RASAL2: variants seen among roughly 807,000 people sequenced by gnomAD.
RASAL2 encodes the protein ras GTPase-activating protein nGAP.
In RASAL2, 58 loss-of-function variants were observed where a neutral mutation model predicts 128.9. The observed-to-expected ratio is 0.45, with a 90% confidence interval of 0.36 to 0.56. The LOEUF is 0.56. Ranked by LOEUF, RASAL2 falls within the 20% of genes least tolerant of loss-of-function variation. The pLI is 0.00. For missense variants in RASAL2, 1,360 were observed against 1,601.6 expected, an observed-to-expected ratio of 0.85 and a Z score of 2.57; for synonymous variants, 561 against 580.8, an observed-to-expected ratio of 0.97 and a Z score of 0.49.
chr1:178,259,122 CTTTTTTTTTTTTTT>C (rs59978357), intron 1 of RASAL2, among the ~76,000 whole-genome samples: 71 of 70,546 alleles, frequency 1.0e-3, no homozygotes, highest in East Asian at 3.1e-3. Context: ...AATGAAACTT[CTTTTTTTTTTTTTT>C]TTTTTTTTTT....
intron 1 of RASAL2, among the ~76,000 whole-genome samples, chr1:178,205,181 T>G (rs1662997565): frequency 6.6e-6 from 1 of 152,116 alleles, no homozygotes; most frequent in Non-Finnish European, 1.5e-5. Context: ...ATTTTTGTAT[T>G]TTTGGTAGAG....
chr1:178,094,131 C>T lies in RASAL2; in HGVS notation c.-362C>T. 7.3e-6 allele frequency: 2 copies of T among 272,824 alleles called. No individual in the cohort carries two copies. The highest frequency in any genetic ancestry group is 1.4e-5 in the Non-Finnish European group (2 of 146,166). 16.9% of individuals were successfully genotyped at this position (272,824 alleles called of 1,614,324 possible). On this transcript the variant is annotated 5_prime_UTR_variant, in exon 1 of 18. Transcript: ENST00000367649. ...AGCCTGGTCTGACCGCGAGAGACGC[C>T]GGCGGGGCTGAAGAAGGCGGCTCCG...
At chr1:178,423,768 A>G (rs1386625159) in intron 5 of RASAL2, among the ~76,000 whole-genome samples, 2 of 152,110 alleles carry the variant, frequency 1.3e-5, no homozygotes, top group Non-Finnish European at 2.9e-5. Flanking sequence ...AGTATACTGA[A>G]TATCCTGTCG....
At chr1:178,116,054 G>A (rs1217420577) in intron 1 of RASAL2, among the ~76,000 whole-genome samples, 4 of 152,084 alleles carry the variant, frequency 2.6e-5, no homozygotes, top group Non-Finnish European at 4.4e-5. Flanking sequence ...TTTATTTAGG[G>A]ATGTTTTAAA....
intron 3 of RASAL2, among the ~76,000 whole-genome samples, chr1:178,339,130 CTG>C (rs1669739825): frequency 6.6e-6 from 1 of 152,194 alleles, no homozygotes; most frequent in Non-Finnish European, 1.5e-5. Context: ...CAGCCTAGCA[CTG>C]TGTATGTTAT....
At chr1:178,472,363 A>C (rs1204197743) in intron 17 of RASAL2, among the ~76,000 whole-genome samples, 1 of 152,128 alleles carries the variant, frequency 6.6e-6, no homozygotes, top group Non-Finnish European at 1.5e-5. Context: ...CGTATTGGGC[A>C]GCCCTCCTGG....
At chr1:178,241,957 C>A (rs570796570) in intron 1 of RASAL2, among the ~76,000 whole-genome samples, 2 of 152,310 alleles carry the variant, frequency 1.3e-5, no homozygotes, top group South Asian at 4.1e-4. Flanking sequence ...ATTTTTTGCT[C>A]ATGCAGGGAG....
intron 3 of RASAL2, among the ~76,000 whole-genome samples, chr1:178,303,283 A>G (rs1473886764): frequency 6.6e-6 from 1 of 152,184 alleles, no homozygotes; most frequent in Non-Finnish European, 1.5e-5. Context: ...GATCTGAACA[A>G]GAGAGATAAT....
intron 3 of RASAL2, among the ~76,000 whole-genome samples, chr1:178,356,227 A>G (rs981864394): frequency 1.3e-5 from 2 of 151,972 alleles, no homozygotes; most frequent in African/African-American, 4.8e-5. Flanking sequence ...AGATTGGCTA[A>G]GATTTAAAAT....
intron 1 of RASAL2, among the ~76,000 whole-genome samples, chr1:178,180,503 A>C (rs962024885): frequency 6.6e-6 from 1 of 150,668 alleles, no homozygotes; most frequent in Admixed American, 6.6e-5. Flanking sequence ...AAAAAAAAAA[A>C]AAAAAACCCA....
At chr1:178,436,900 C>T (rs1015270722) in intron 5 of RASAL2, among the ~76,000 whole-genome samples, 1 of 151,972 alleles carries the variant, frequency 6.6e-6, no homozygotes, top group Admixed American at 6.6e-5. Flanking sequence ...TTATCTCCCA[C>T]TCCCAGAGTT....
intron 1 of RASAL2, among the ~76,000 whole-genome samples, chr1:178,116,526 A>C (rs1037752604): frequency 6.6e-6 from 1 of 152,014 alleles, no homozygotes; most frequent in Non-Finnish European, 1.5e-5. Flanking sequence ...CCATTATTAA[A>C]CATTACTTTT....
chr1:178,335,156 A>G (rs1353028202), intron 3 of RASAL2, among the ~76,000 whole-genome samples: 1 of 151,858 alleles, frequency 6.6e-6, no homozygotes, highest in Non-Finnish European at 1.5e-5. Context: ...TTTTTTCCTT[A>G]AGAACTTAAA....
chr1:178,155,113 G>A (rs1317451286), intron 1 of RASAL2, among the ~76,000 whole-genome samples: 1 of 152,086 alleles, frequency 6.6e-6, no homozygotes, highest in Non-Finnish European at 1.5e-5. Context: ...GTGAGCCACC[G>A]CGCCTGGCCA....
At chr1:178,156,993 A>G (rs1192108872) in intron 1 of RASAL2, among the ~76,000 whole-genome samples, 1 of 152,162 alleles carries the variant, frequency 6.6e-6, no homozygotes, top group Admixed American at 6.5e-5. Flanking sequence ...ACCTACTTAG[A>G]TGTATAACTT....
At position 178,136,362 on chromosome 1, in the gene RASAL2, A is replaced by G. The variant is rs1487385952; in HGVS notation, c.202+41668A>G. Among the ~76,000 whole-genome samples the G allele has an allele frequency of 2.0e-5, 3 of 152,142 alleles. No individual in the cohort carries two copies. In the East Asian group the frequency reaches 5.8e-4, roughly 29 times the overall value. Reference sequence around the variant, plus strand: ...GCTGCTTAATCTTCATATCAAATCTATTTCCTCATCTAGAATAATAGTATC... The same window carrying G: ...GCTGCTTAATCTTCATATCAAATCTGTTTCCTCATCTAGAATAATAGTATC... On this transcript the variant is annotated intron_variant, in intron 1 of 17. Transcript: ENST00000367649.
chr1:178,461,516 T>G (rs1275761396), intron 14 of RASAL2, among the ~76,000 whole-genome samples: 1 of 152,188 alleles, frequency 6.6e-6, no homozygotes, highest in Non-Finnish European at 1.5e-5. Context: ...GCTTTTTTCT[T>G]ATTTTCCTCT....
intron 1 of RASAL2, among the ~76,000 whole-genome samples, chr1:178,192,805 A>G (rs139387464): frequency 2.8e-3 from 427 of 152,274 alleles, no homozygotes; most frequent in Non-Finnish European, 4.6e-3. Context: ...TTTCCTTTGC[A>G]TTCTGTCTCC....
chr1:178,225,282 A>G (rs1034023476), intron 1 of RASAL2, among the ~76,000 whole-genome samples: 1 of 151,980 alleles, frequency 6.6e-6, no homozygotes, highest in Non-Finnish European at 1.5e-5. Flanking sequence ...GAATGAAAAC[A>G]CATACTTATA....
Sources: gnomAD v4.1 joint callset for allele counts (sites outside exome capture counted in the v4.1 genomes callset) on GRCh38, gnomAD v4.1.1 for gene constraint, MANE v1.5 for transcripts, NCBI Gene and HGNC (gene_info 2026-07-23, HGNC 2026-07-21) for gene names.